The following EFCAB6 variants were observed in gnomAD, a reference collection of about 807,000 sequenced individuals.
EFCAB6 encodes EF-hand calcium binding domain 6.
EFCAB6 carries 156 observed loss-of-function variants against 169.8 expected under a neutral mutation model. The observed-to-expected ratio is 0.92, with a 90% CI of 0.81 to 1.05. EFCAB6 has a LOEUF of 1.05. EFCAB6 is among the 50% of genes least tolerant of loss of function. The pLI is 0.00. For missense variants in EFCAB6, 1,800 were observed against 1,829.1 expected, an observed-to-expected ratio of 0.98 and a Z score of 0.29; for synonymous variants, 698 against 676.4, an observed-to-expected ratio of 1.03 and a Z score of -0.50.
intron 19 of EFCAB6, among the ~76,000 whole-genome samples, chr22:43,630,831 G>A (rs73887364): frequency 0.032 from 4,885 of 152,292 alleles, 247 homozygotes; most frequent in African/African-American, 0.11. Context: ...CCTCTTGGCT[G>A]GCCACTTAGC....
intron 23 of EFCAB6, among the ~76,000 whole-genome samples, chr22:43,599,127 C>T (rs186726419): frequency 4.8e-4 from 73 of 152,244 alleles, no homozygotes; most frequent in East Asian, 4.3e-3. Flanking sequence ...CAAACATTTC[C>T]GTGTCCTTCC....
intron 8 of EFCAB6, among the ~76,000 whole-genome samples, chr22:43,726,277 A>AAAAAAAAAAAAAAAAAAAAAAAC (rs2059733159): frequency 3.5e-5 from 1 of 28,358 alleles, no homozygotes; most frequent in Non-Finnish European, 7.2e-5. Flanking sequence ...AAAATTCACC[A>AAAAAAAAAAAAAAAAAAAAAAAC]AAAAAAAAAA....
chr22:43,691,039 T>C (rs1334529260), intron 10 of EFCAB6, among the ~76,000 whole-genome samples: 2 of 152,074 alleles, frequency 1.3e-5, no homozygotes, highest in Non-Finnish European at 2.9e-5. Context: ...TGGCAGCTAA[T>C]ACTTGATAAA....
rs143602012 is a variant in EFCAB6, at chr22:43,598,067, T to C, written c.2876+2002A>G. On this transcript the variant is annotated intron_variant, in intron 23 of 31. Coordinates refer to ENST00000262726, the MANE Select transcript of EFCAB6 (RefSeq NM_022785.4). ...TGGCTCACGCCTGTAAGACCAGCCC[T>C]TTAGGAGGCTGAGGCAGGTGGGTGA... Among the ~76,000 whole-genome samples, 400 of 152,218 alleles carry C rather than the reference T, an allele frequency of 2.6e-3. 2 individuals carry two copies. Among genetic ancestry groups the C allele is most frequent in the Non-Finnish European group, 5.0e-3 (337 of 67,990 alleles).
intron 20 of EFCAB6, among the ~76,000 whole-genome samples, chr22:43,624,782 G>C (rs538308275): frequency 1.1e-4 from 16 of 152,184 alleles, no homozygotes; most frequent in Admixed American, 1.3e-4. Flanking sequence ...CTGGGACAAT[G>C]TCTAGCATAT....
chr22:43,784,084 T>A (rs2061924319), intron 2 of EFCAB6, among the ~76,000 whole-genome samples: 1 of 151,712 alleles, frequency 6.6e-6, no homozygotes, highest in Non-Finnish European at 1.5e-5. Context: ...AATAAATAAA[T>A]AAAATGTCCA....
chr22:43,532,152 A>G (rs2047107960), intron 30 of EFCAB6: 1 of 150,444 alleles, frequency 6.6e-6, no homozygotes. Flanking sequence ...TGGGGGCGGG[A>G]GAACTCTTCG....
chr22:43,702,252 T>G (rs2058792419), intron 10 of EFCAB6, among the ~76,000 whole-genome samples: 2 of 152,234 alleles, frequency 1.3e-5, no homozygotes, highest in African/African-American at 4.8e-5. Context: ...TTGGCAGTCC[T>G]TATAAAAAAT....
At chr22:43,796,110 GTC>G (rs907408386) in intron 2 of EFCAB6, among the ~76,000 whole-genome samples, 1 of 151,914 alleles carries the variant, frequency 6.6e-6, no homozygotes, top group African/African-American at 2.4e-5. Context: ...TTATTGATGA[GTC>G]TCTCTTTTTC....
chr22:43,645,688 T>C (rs1172165604), intron 17 of EFCAB6, among the ~76,000 whole-genome samples: 2 of 152,236 alleles, frequency 1.3e-5, no homozygotes, highest in African/African-American at 2.4e-5. Flanking sequence ...TATTTCCGCA[T>C]TGTGCATTGT....
chr22:43,631,226 C>T (rs2054917814), intron 19 of EFCAB6, among the ~76,000 whole-genome samples: 1 of 151,526 alleles, frequency 6.6e-6, no homozygotes, highest in Admixed American at 6.6e-5. Context: ...CAGTCTAACT[C>T]CCTGATACCC....
chr22:43,608,564 G>A lies in EFCAB6; in HGVS notation c.2599C>T (p.Leu867Phe), dbSNP rs745841090. 1.2e-6 allele frequency: 2 copies of A among 1,614,178 alleles called. No individual in the cohort carries two copies. The highest frequency in any genetic ancestry group is 4.5e-5 in the East Asian group (2 of 44,886). ...LETDNEGNGI[L>F]RRRDIKNALY... ...GCGTTCTTTATGTCCCGGCGTCGAA[G>A]AATGCCATTGCCCTCATTATCGGTT... Residue 867 changes from leucine (L) to phenylalanine (F), a missense_variant, in exon 22 of 32, where the codon CTT becomes TTT. Coordinates refer to ENST00000262726, the MANE Select transcript of EFCAB6 (RefSeq NM_022785.4).
rs184841417 is a variant in EFCAB6 at position 43,634,844 on chromosome 22, C to T, written c.2098+258G>A. 7.9e-5 allele frequency among the ~76,000 whole-genome samples: 12 copies of T among 152,302 alleles called. No homozygotes were observed. The East Asian group carries it at 2.3e-3, about 29-fold the overall frequency. ...CGTGAGGTGTGATTGAAGAAACAGG[C>T]TTTGGGGCACAAACTTTCTAAACCA... On this transcript the variant is annotated intron_variant, in intron 18 of 31. Transcript: ENST00000262726.
In EFCAB6 at chr22:43,580,637, T is replaced by C. The variant is rs2147305084; in HGVS notation, c.3055A>G (p.Asn1019Asp). ...AGGAAGTCGAGGTAATTGATAGCAT[T>C]ATCATGCCGGCTGACTCCCCAACTT... ...LNSWGVSRHD[N>D]AINYLDFLRA... Residue 1019 changes from asparagine (N) to aspartate (D), a missense_variant, in exon 25 of 32, where the codon AAT becomes GAT. Transcript: ENST00000262726. 6.2e-7 allele frequency: 1 copy of C among 1,614,106 alleles called. No individual in the cohort carries two copies. Among genetic ancestry groups the C allele is most frequent in the East Asian group, 2.2e-5 (1 of 44,884 alleles).
chr22:43,734,490 A>AT lies in EFCAB6; in HGVS notation c.644+1366dup, dbSNP rs2060063633. Among the ~76,000 whole-genome samples the AT allele has an allele frequency of 5.3e-5, 8 of 152,302 alleles. No individual in the cohort carries two copies. The South Asian group carries it at 1.7e-3, about 32-fold the overall frequency. ...ATGAGATGGGGAAACAGACAGTAAC[A>AT]TTTTTTATAGATTTACTAGGTTGGA... On this transcript the variant is annotated intron_variant, in intron 7 of 31. Coordinates refer to ENST00000262726, the MANE Select transcript of EFCAB6 (RefSeq NM_022785.4).
intron 2 of EFCAB6, among the ~76,000 whole-genome samples, chr22:43,790,173 T>G (rs1804806584): frequency 6.6e-6 from 1 of 152,202 alleles, no homozygotes; most frequent in South Asian, 2.1e-4. Context: ...TTTGCCACAG[T>G]CAGGTGGCAG....
At chr22:43,715,546 TA>T (rs1336478259) in intron 9 of EFCAB6, among the ~76,000 whole-genome samples, 1 of 152,228 alleles carries the variant, frequency 6.6e-6, no homozygotes, top group Non-Finnish European at 1.5e-5. Flanking sequence ...GTTTTATTTT[TA>T]AAAAGGAGTA....
At chr22:43,581,354 A>G (rs1309302155) in intron 24 of EFCAB6, among the ~76,000 whole-genome samples, 1 of 152,196 alleles carries the variant, frequency 6.6e-6, no homozygotes, top group African/African-American at 2.4e-5. Context: ...TACAAAACCT[A>G]TCTAGCTGAG....
At chr22:43,606,228 T>G (rs1471010504) in intron 22 of EFCAB6, among the ~76,000 whole-genome samples, 3 of 152,204 alleles carry the variant, frequency 2.0e-5, no homozygotes, top group Admixed American at 2.0e-4. Context: ...AAGCCCAGTT[T>G]ATTAGCGCTT....
Sources: allele counts gnomAD v4.1 joint callset (sites outside exome capture counted in the v4.1 genomes callset), GRCh38; gene constraint gnomAD v4.1.1; transcripts MANE v1.5; gene names NCBI Gene and HGNC (gene_info 2026-07-23, HGNC 2026-07-21).